HSP90AA1: variants seen among roughly 807,000 people sequenced by gnomAD.
HSP90AA1 encodes the protein heat shock protein HSP 90-alpha.
HSP90AA1 carries 18 observed loss-of-function variants against 73.3 expected under a neutral mutation model. That is an observed-to-expected ratio of 0.25 (90% CI 0.17 to 0.36). The LOEUF (loss-of-function observed/expected upper bound fraction) is 0.36. Among genes scored for constraint, HSP90AA1 ranks in the 10% least tolerant of loss-of-function variants. The pLI is 1.00. For missense variants in HSP90AA1, 704 were observed against 874.2 expected (o/e 0.81, Z 2.45); for synonymous variants, 477 against 296.9 (o/e 1.61, Z -6.24).
chr14:102,105,846 G>C (rs993591394), intron 1 of HSP90AA1, among the ~76,000 whole-genome samples: 1 of 152,146 alleles, frequency 6.6e-6, no homozygotes, highest in Non-Finnish European at 1.5e-5. Context: ...GAGATAGGTA[G>C]ATCACCTGAG....
At chr14:102,125,120 TA>T (rs1383384505) in intron 1 of HSP90AA1, among the ~76,000 whole-genome samples, 1 of 152,132 alleles carries the variant, frequency 6.6e-6, no homozygotes, top group Non-Finnish European at 1.5e-5. Context: ...GCCTCCCAAG[TA>T]GCTGGGACTA....
chr14:102,084,874 G>A lies in HSP90AA1; in HGVS notation c.788C>T (p.Ser263Phe). Residue 263 changes from serine to phenylalanine, a missense_variant, in exon 5 of 11, where the codon TCT becomes TTT. Ser to Phe is a radical substitution (Grantham distance 155). Transcript: ENST00000216281. ...EDKPEIEDVGSDEEEEKKDGD... is the reference protein window; with the variant it reads ...EDKPEIEDVGFDEEEEKKDGD... Reference sequence around the variant, plus strand: ...ATCCTTCTTTTCTTCTTCCTCATCAGAACCAACATCTTCAATTTCAGGTTT... The same window carrying A: ...ATCCTTCTTTTCTTCTTCCTCATCAAAACCAACATCTTCAATTTCAGGTTT... 1.3e-6 allele frequency: 2 copies of A among 1,559,378 alleles called. No individual in the cohort carries two copies. Among genetic ancestry groups the A allele is most frequent in the Non-Finnish European group, 1.8e-6 (2 of 1,130,864 alleles).
chr14:102,120,346 G>A (rs963251863), intron 1 of HSP90AA1, among the ~76,000 whole-genome samples: 3 of 152,000 alleles, frequency 2.0e-5, no homozygotes, highest in South Asian at 2.1e-4. Context: ...GTGATGAAGC[G>A]AGACCCTGTC....
chr14:102,083,599 T>C lies in HSP90AA1; in HGVS notation c.1433A>G (p.Lys478Arg). 6.2e-7 allele frequency: 1 copy of C among 1,613,856 alleles called. No homozygotes were observed. The highest frequency in any genetic ancestry group is 8.5e-7 in the Non-Finnish European group (1 of 1,179,796). Reference sequence around the variant, plus strand: ...CTCCTTCATTCTGGTGCAGTAGTCCTTGAGAGAAACCATCTCATCACCAGA... The same window carrying C: ...CTCCTTCATTCTGGTGCAGTAGTCCCTGAGAGAAACCATCTCATCACCAGA... ...SASGDEMVSL[K>R]DYCTRMKENQ... The change falls in exon 8 of 11, where the codon AAG (lysine) becomes AGG (arginine). Residue 478 changes from lysine (K) to arginine (R), a missense_variant. By Grantham distance (26) the Lys-to-Arg change is conservative. Coordinates refer to ENST00000216281, the MANE Select transcript of HSP90AA1 (RefSeq NM_005348.4).
At chr14:102,110,565 G>A (rs920084809) in intron 1 of HSP90AA1, among the ~76,000 whole-genome samples, 13 of 149,850 alleles carry the variant, frequency 8.7e-5, no homozygotes, top group Non-Finnish European at 1.2e-4. Flanking sequence ...GATTACAGGC[G>A]CCCACCACCA....
chr14:102,090,353 C>T (rs1378327760), upstream of HSP90AA1, among the ~76,000 whole-genome samples: 1 of 152,228 alleles, frequency 6.6e-6, no homozygotes, highest in Non-Finnish European at 1.5e-5. Context: ...ACCACATGTG[C>T]TCCTCTGCTT....
intron 5 of HSP90AA1, 42 bp from the exon 6 acceptor site, chr14:102,084,606 T>G (rs769770494): frequency 2.5e-6 from 4 of 1,614,070 alleles, no homozygotes; most frequent in Non-Finnish European, 3.4e-6. Flanking sequence ...GAACAATGCA[T>G]TATAGAAGAT....
intron 9 of HSP90AA1, chr14:102,082,686 T>C (rs1321304963): frequency 3.7e-6 from 2 of 542,640 alleles, no homozygotes; most frequent in Admixed American, 3.1e-5. Context: ...AGTGGTGCGA[T>C]CTTGGCTCAC....
At chr14:102,086,414 G>C in intron 1 of HSP90AA1, 36 bp from the exon 2 acceptor site, 1 of 1,612,906 alleles carries the variant, frequency 6.2e-7, no homozygotes, top group Non-Finnish European at 8.5e-7. Context: ...AACCTTGCAG[G>C]ACGTCTACAG....
In HSP90AA1 at chr14:102,139,550, T is replaced by C. The variant is rs1003312931; in HGVS notation, c.-146A>G. The stretch of plus-strand genomic sequence containing the variant: ...AGGCACCCTCAAGTTCACCTCAGGC[T>C]CATGACACCAGCCCCGCCGCGGTTC... On this transcript the variant is annotated 5_prime_UTR_variant, in exon 1 of 12. Coordinates refer to the HSP90AA1 transcript ENST00000334701. The C allele has an allele frequency of 7.0e-6, 6 of 851,202 alleles. No homozygotes were observed. The East Asian group carries it at 1.6e-4, about 23-fold the overall frequency. 52.7% of individuals were successfully genotyped at this position (851,202 alleles called of 1,614,324 possible). A position where few individuals can be genotyped will look rare whatever the true frequency, so the allele number is the denominator to read the frequency against.
chr14:102,119,123 G>A (rs2049743531), intron 1 of HSP90AA1, among the ~76,000 whole-genome samples: 2 of 152,040 alleles, frequency 1.3e-5, no homozygotes, highest in Admixed American at 1.3e-4. Flanking sequence ...CAAAGAGCTG[G>A]GATTACAGGT....
chr14:102,093,534 G>A (rs2049386544), intron 2 of HSP90AA1, among the ~76,000 whole-genome samples: 1 of 151,404 alleles, frequency 6.6e-6, no homozygotes, highest in Non-Finnish European at 1.5e-5. Flanking sequence ...CAGTTTCCGA[G>A]AAAGATGGCA....
intron 1 of HSP90AA1, among the ~76,000 whole-genome samples, chr14:102,134,024 G>A (rs1398669018): frequency 6.6e-6 from 1 of 151,758 alleles, no homozygotes; most frequent in Non-Finnish European, 1.5e-5. Flanking sequence ...GGTGGCGGGC[G>A]CCTGTAGTCC....
chr14:102,091,923 G>A (rs539679309), upstream of HSP90AA1, among the ~76,000 whole-genome samples: 1 of 151,908 alleles, frequency 6.6e-6, no homozygotes, highest in Admixed American at 6.5e-5. Flanking sequence ...CACCACAACT[G>A]CCCTTGGCTC....
At chr14:102,135,707 C>A (rs527261053) in intron 1 of HSP90AA1, among the ~76,000 whole-genome samples, 16 of 152,244 alleles carry the variant, frequency 1.1e-4, no homozygotes, top group Admixed American at 2.6e-4. Flanking sequence ...CGCCGGTGGG[C>A]CGGCACTGCT....
At chr14:102,101,256 CCACT>C (rs1455038710) in intron 2 of HSP90AA1, among the ~76,000 whole-genome samples, 3 of 152,202 alleles carry the variant, frequency 2.0e-5, no homozygotes, top group African/African-American at 7.2e-5. Flanking sequence ...AATGTTCCAC[CCACT>C]GTGTCTAACC....
At chr14:102,113,462 C>CAATT (rs1290684224) in intron 1 of HSP90AA1, among the ~76,000 whole-genome samples, 2 of 151,752 alleles carry the variant, frequency 1.3e-5, no homozygotes. Context: ...CTTGCTGTAA[C>CAATT]CTCCGCCTCC....
chr14:102,085,116 G>A (rs1341134044), intron 4 of HSP90AA1, 118 bp from the exon 5 acceptor site: 3 of 1,550,256 alleles, frequency 1.9e-6, no homozygotes, highest in East Asian at 2.2e-5. Flanking sequence ...GAAGCACCCA[G>A]CTTTTCATCA....
At chr14:102,112,337 T>C (rs907495618) in intron 1 of HSP90AA1, among the ~76,000 whole-genome samples, 6 of 152,180 alleles carry the variant, frequency 3.9e-5, no homozygotes, top group African/African-American at 7.2e-5. Flanking sequence ...CACACCCAGC[T>C]AATTTTTGTT....
Sources: allele counts gnomAD v4.1 joint callset (sites outside exome capture counted in the v4.1 genomes callset), GRCh38; gene constraint gnomAD v4.1.1; transcripts MANE v1.5; gene names NCBI Gene and HGNC (gene_info 2026-07-23, HGNC 2026-07-21).